The following RFX4 variants were observed in gnomAD, a reference collection of about 807,000 sequenced individuals.
The protein encoded by RFX4 is regulatory factor X4.
In RFX4, 10 loss-of-function variants were observed where a neutral mutation model predicts 95.0. That is an observed-to-expected ratio of 0.11 (90% CI 0.06 to 0.18). RFX4 has a LOEUF of 0.18. Among genes scored for constraint, RFX4 ranks in the 10% least tolerant of loss-of-function variants. The pLI is 1.00. For synonymous variants in RFX4, 321 were observed against 340.7 expected (o/e 0.94, Z 0.64); for missense variants, 640 against 922.0 (o/e 0.69, Z 3.96).
intron 3 of RFX4, among the ~76,000 whole-genome samples, chr12:106,653,885 G>A (rs188817748): frequency 6.6e-6 from 1 of 152,244 alleles, no homozygotes; most frequent in African/African-American, 2.4e-5. Context: ...TGGCTGATTG[G>A]GGCACCCACA....
chr12:106,733,090 T>C lies in RFX4; in HGVS notation c.1633+5T>C, dbSNP rs147970542. On this transcript the variant is annotated splice_donor_5th_base_variant and intron_variant, in intron 15 of 17. Coordinates refer to ENST00000392842, the MANE Select transcript of RFX4 (RefSeq NM_213594.3). ...ACACTGGCCTCAGCACTACAGGTAA[T>C]GGAAAGTCCTTCAAAAACTTTGGGT... 19 of 1,613,718 alleles carry C rather than the reference T, an allele frequency of 1.2e-5. No individual in the cohort carries two copies. The highest frequency in any genetic ancestry group is 1.6e-4 in the Middle Eastern group (1 of 6,078).
chr12:106,602,305 G>C (rs1054231504), intron 1 of RFX4, among the ~76,000 whole-genome samples: 1 of 152,178 alleles, frequency 6.6e-6, no homozygotes, highest in African/African-American at 2.4e-5. Flanking sequence ...TCACTCAGCC[G>C]TGAGTTCCTG....
rs182623521 is a variant in RFX4, at chr12:106,684,322, G to A, written c.377+2268G>A. Among the ~76,000 whole-genome samples the A allele has an allele frequency of 1.1e-3, 170 of 152,276 alleles. 3 individuals are homozygous for A. The highest frequency in any genetic ancestry group is 0.01 in the Middle Eastern group (3 of 294). On this transcript the variant is annotated intron_variant, in intron 5 of 17. Coordinates refer to ENST00000392842, the MANE Select transcript of RFX4 (RefSeq NM_213594.3). ...GCAGAGGTTTCAGTGAGCCACGATT[G>A]CACCACTGCACTCCAGCCAGGGTGA...
At chr12:106,714,415 A>G (rs759037443) in intron 10 of RFX4, among the ~76,000 whole-genome samples, 34 of 152,214 alleles carry the variant, frequency 2.2e-4, no homozygotes, top group Non-Finnish European at 4.7e-4. Flanking sequence ...ACCTTTAAAG[A>G]GTTCTACAAT....
At chr12:106,729,288 C>T (rs1418790053) in intron 13 of RFX4, among the ~76,000 whole-genome samples, 2 of 151,970 alleles carry the variant, frequency 1.3e-5, no homozygotes, top group African/African-American at 2.4e-5. Flanking sequence ...TTTTGGAGAC[C>T]CTTTCCTTAT....
intron 3 of RFX4, among the ~76,000 whole-genome samples, chr12:106,648,837 A>G (rs1176624339): frequency 3.3e-5 from 5 of 152,260 alleles, no homozygotes; most frequent in Non-Finnish European, 7.4e-5. Flanking sequence ...AAATGAGGAC[A>G]GTGGGAAATG....
chr12:106,755,651 T>C (rs1001530864), intron 17 of RFX4, among the ~76,000 whole-genome samples: 4 of 152,332 alleles, frequency 2.6e-5, no homozygotes, highest in African/African-American at 7.2e-5. Flanking sequence ...CTTACGTTTA[T>C]TGGTTCTTTG....
chr12:106,726,476 T>C (rs540476705), intron 13 of RFX4, among the ~76,000 whole-genome samples: 2 of 152,264 alleles, frequency 1.3e-5, no homozygotes, highest in Non-Finnish European at 2.9e-5. Context: ...ACATATATGC[T>C]AAACATTTAT....
At chr12:106,678,370 C>T (rs1341202390) in intron 4 of RFX4, among the ~76,000 whole-genome samples, 1 of 152,270 alleles carries the variant, frequency 6.6e-6, no homozygotes, top group South Asian at 2.1e-4. Flanking sequence ...TTAGCCCAGT[C>T]TCTTAAATCA....
chr12:106,587,542 G>T (rs1227562929), intron 1 of RFX4, among the ~76,000 whole-genome samples: 1 of 152,162 alleles, frequency 6.6e-6, no homozygotes, highest in Non-Finnish European at 1.5e-5. Context: ...AGGCTCCGAG[G>T]TCTCTAATTT....
chr12:106,683,160 T>A (rs564520566), intron 5 of RFX4: 1 of 152,242 alleles, frequency 6.6e-6, no homozygotes, highest in South Asian at 2.1e-4. Flanking sequence ...TCTTGAAGGA[T>A]GTGTCAAAAG....
intron 3 of RFX4, among the ~76,000 whole-genome samples, chr12:106,640,388 T>A (rs2040596887): frequency 6.6e-6 from 1 of 152,060 alleles, no homozygotes. Flanking sequence ...AATGAGCAAA[T>A]CATATTAGAT....
chr12:106,600,270 G>A (rs533829963), intron 1 of RFX4, among the ~76,000 whole-genome samples: 37 of 152,224 alleles, frequency 2.4e-4, no homozygotes, highest in Non-Finnish European at 4.3e-4. Context: ...TGTTCCTTCT[G>A]CCAGGAACAC....
intron 1 of RFX4, among the ~76,000 whole-genome samples, chr12:106,606,873 G>T (rs372796398): frequency 6.6e-6 from 1 of 152,164 alleles, no homozygotes; most frequent in African/African-American, 2.4e-5. Context: ...ACTCGTCCGC[G>T]TGGCTTCTTT....
chr12:106,759,720 C>A (rs1350376131), intron 17 of RFX4, among the ~76,000 whole-genome samples: 1 of 152,128 alleles, frequency 6.6e-6, no homozygotes, highest in Non-Finnish European at 1.5e-5. Context: ...TGGCAACAGC[C>A]CTTGGTGCCT....
rs769415374 is a variant in RFX4, at chr12:106,687,065, C to T, written c.559C>T (p.Leu187=). 6.2e-7 allele frequency: 1 copy of T among 1,613,850 alleles called. No homozygotes were observed. The highest frequency in any genetic ancestry group is 1.1e-5 in the South Asian group (1 of 91,056). The change falls in exon 6 of 18, where the codon CTA becomes TTA. Residue 187 remains leucine, a synonymous_variant. Coordinates refer to ENST00000392842, the MANE Select transcript of RFX4 (RefSeq NM_213594.3). ...LLPEFPNVKD[L]NLPASLPEEK... is the part of the protein sequence containing the mutation. ...GCCAGAATTTCCCAATGTCAAAGAT[C>T]TAAATCTGCCAGCCAGCCTGCCTGA...
At chr12:106,707,055 A>G (rs2042098866) in intron 8 of RFX4, among the ~76,000 whole-genome samples, 1 of 152,208 alleles carries the variant, frequency 6.6e-6, no homozygotes, top group Admixed American at 6.5e-5. Flanking sequence ...AACACTTCAG[A>G]AAAGATAAAG....
intron 17 of RFX4, among the ~76,000 whole-genome samples, chr12:106,759,650 C>T (rs1451820755): frequency 6.6e-6 from 1 of 152,112 alleles, no homozygotes; most frequent in East Asian, 1.9e-4. Context: ...GGGGTATGCG[C>T]CAGTGTTTCT....
At chr12:106,670,281 T>A (rs1239705316) in intron 4 of RFX4, among the ~76,000 whole-genome samples, 1 of 152,210 alleles carries the variant, frequency 6.6e-6, no homozygotes, top group African/African-American at 2.4e-5. Context: ...CTTATTATCA[T>A]CTTCAGAATT....
Sources: allele counts gnomAD v4.1 joint callset (sites outside exome capture counted in the v4.1 genomes callset), GRCh38; gene constraint gnomAD v4.1.1; transcripts MANE v1.5; gene names NCBI Gene and HGNC (gene_info 2026-07-23, HGNC 2026-07-21).